FAT3: variants seen among roughly 807,000 people sequenced by gnomAD.
The protein encoded by FAT3 is protocadherin Fat 3.
A neutral mutation model predicts 310.2 loss-of-function variants in FAT3; 95 were observed. The observed-to-expected ratio is 0.31, with a 90% CI of 0.26 to 0.36. FAT3 has a LOEUF of 0.36. Among genes scored for constraint, FAT3 ranks in the 10% least tolerant of loss-of-function variants. The pLI is 1.00. For missense variants in FAT3, 5,408 were observed against 5,715.6 expected, an observed-to-expected ratio of 0.95 and a Z score of 1.74; for synonymous variants, 2,314 against 2,192.9, an observed-to-expected ratio of 1.06 and a Z score of -1.54.
In FAT3 at chr11:92,607,740, CAT is replaced by C. The variant is rs779532207; in HGVS notation, c.3607+82793_3607+82794del. On this transcript the variant is annotated intron_variant, in intron 3 of 27. Transcript: ENST00000525166. The stretch of plus-strand genomic sequence containing the variant: ...ATGATATTATAATCTGTTCTTTCCA[CAT>C]GAGTCACATTATTTAGTCATAAAAT... Among the ~76,000 whole-genome samples, 4 of 152,312 alleles carry C rather than the reference CAT, an allele frequency of 2.6e-5. No individual in the cohort carries two copies. The East Asian group carries it at 7.7e-4, about 29-fold the overall frequency.
At chr11:92,255,910 C>T (rs1002208253) in intron 1 of FAT3, among the ~76,000 whole-genome samples, 2 of 152,046 alleles carry the variant, frequency 1.3e-5, no homozygotes, top group African/African-American at 2.4e-5. Flanking sequence ...GTGGCTGAAA[C>T]CAGAAACAGC....
chr11:92,572,827 C>T (rs904245571), intron 3 of FAT3, among the ~76,000 whole-genome samples: 2 of 152,160 alleles, frequency 1.3e-5, no homozygotes, highest in Non-Finnish European at 2.9e-5. Flanking sequence ...TTGATTTCCT[C>T]ATGAGGTGAC....
rs2136418177 is a variant in FAT3, at chr11:92,883,344, C to T, written c.12888C>T (p.Arg4296=). 1 of 1,609,938 alleles carries T rather than the reference C, an allele frequency of 6.2e-7. No homozygotes were observed. The highest frequency in any genetic ancestry group is 8.5e-7 in the Non-Finnish European group (1 of 1,178,208). ...ACCTCCCCGCCGTGTCACCCTGCCG[C>T]TCCGACTGCGACTCCATCCGGAAGA... ...APNLPAVSPC[R]SDCDSIRKNG... The change falls in exon 24 of 28, where the codon CGC becomes CGT. Residue 4296 remains arginine, a synonymous_variant. Transcript: ENST00000525166. This position sits in a 1 kb window ranked among gnomAD's most constrained non-coding sequence, Gnocchi z 4.2.
In FAT3 at chr11:92,236,828, C is replaced by T. The variant is rs576596598; in HGVS notation, c.-18+11654C>T. The stretch of plus-strand genomic sequence containing the variant: ...GAGATTTACTGAAATGGGAAGATGA[C>T]GAGTTAGACTTTGGAGATCCTTTTT... On this transcript the variant is annotated intron_variant, in intron 1 of 27. Transcript: ENST00000525166. Among the ~76,000 whole-genome samples, 8 of 152,192 alleles carry T rather than the reference C, an allele frequency of 5.3e-5. No homozygotes were observed. In the East Asian group the frequency reaches 9.7e-4, roughly 18 times the overall value.
At chr11:92,413,282 T>C (rs964204995) in intron 2 of FAT3, among the ~76,000 whole-genome samples, 2 of 152,192 alleles carry the variant, frequency 1.3e-5, no homozygotes, top group African/African-American at 4.8e-5. Context: ...TGATCATCTA[T>C]AAAATAGGGA....
chr11:92,636,307 C>A lies in FAT3; in HGVS notation c.3608-61077C>A, dbSNP rs183434728. Among the ~76,000 whole-genome samples the A allele has an allele frequency of 4.6e-5, 7 of 152,156 alleles. No individual in the cohort carries two copies. In the East Asian group the frequency reaches 1.4e-3, roughly 29 times the overall value. On this transcript the variant is annotated intron_variant, in intron 3 of 27. Transcript: ENST00000525166. ...TTCAGAGATTTCCTTTGACTTTGGC[C>A]GTGATATGTGATTGGGCAGGAAAAA...
intron 2 of FAT3, among the ~76,000 whole-genome samples, chr11:92,494,661 G>T (rs1196889105): frequency 6.6e-6 from 1 of 151,946 alleles, no homozygotes; most frequent in Non-Finnish European, 1.5e-5. Flanking sequence ...TAGGCAACTT[G>T]CCCAATATTT....
chr11:92,617,873 A>G (rs1940888086), intron 3 of FAT3, among the ~76,000 whole-genome samples: 1 of 152,128 alleles, frequency 6.6e-6, no homozygotes, highest in Non-Finnish European at 1.5e-5. Flanking sequence ...ACCCGGCTCT[A>G]TGAGGTGTCA....
chr11:92,676,036 G>T (rs1358882257), intron 3 of FAT3, among the ~76,000 whole-genome samples: 1 of 152,032 alleles, frequency 6.6e-6, no homozygotes, highest in Non-Finnish European at 1.5e-5. Context: ...AATAGGAGAG[G>T]GTGGCAATGA....
intron 3 of FAT3, among the ~76,000 whole-genome samples, chr11:92,645,488 C>G (rs1223531491): frequency 1.1e-5 from 1 of 87,810 alleles, no homozygotes; most frequent in African/African-American, 5.7e-5. Context: ...CACTGCTTTT[C>G]AGAAAAAAAA....
chr11:92,470,976 T>G (rs1447319989), intron 2 of FAT3, among the ~76,000 whole-genome samples: 1 of 152,210 alleles, frequency 6.6e-6, no homozygotes, highest in Non-Finnish European at 1.5e-5. Context: ...TATTTTTCCT[T>G]GAGAATTTTT....
chr11:92,263,746 G>T (rs973430276), intron 1 of FAT3, among the ~76,000 whole-genome samples: 1 of 151,916 alleles, frequency 6.6e-6, no homozygotes, highest in Non-Finnish European at 1.5e-5. Flanking sequence ...TTTGCCCATT[G>T]TATCATGTCA....
chr11:92,624,511 C>T (rs567364669), intron 3 of FAT3, among the ~76,000 whole-genome samples: 1 of 152,174 alleles, frequency 6.6e-6, no homozygotes, highest in African/African-American at 2.4e-5. Flanking sequence ...AGAAAGACAA[C>T]CTTGGCAAAT....
intron 3 of FAT3, among the ~76,000 whole-genome samples, chr11:92,632,309 A>AC (rs1941585559): frequency 6.6e-6 from 1 of 151,892 alleles, no homozygotes; most frequent in East Asian, 1.9e-4. Context: ...GTCACTCAGT[A>AC]TTTTTTATCT....
At chr11:92,491,051 G>A (rs1193410200) in intron 2 of FAT3, among the ~76,000 whole-genome samples, 1 of 151,904 alleles carries the variant, frequency 6.6e-6, no homozygotes, top group Non-Finnish European at 1.5e-5. Context: ...TTTGCCTAGA[G>A]GACCATTATT....
In FAT3 at chr11:92,245,196, A is replaced by G. The variant is rs138624338; in HGVS notation, c.-18+20022A>G. On this transcript the variant is annotated intron_variant, in intron 1 of 27. Coordinates refer to ENST00000525166, the MANE Select transcript of FAT3 (RefSeq NM_001367949.2). ...ATGAGTTCATGTCCTTTTCAGGGAA[A>G]TGGATGATGCTGGAAACCAGCATTC... 1.6e-3 allele frequency among the ~76,000 whole-genome samples: 237 copies of G among 152,302 alleles called. 1 individual carries two copies. Among genetic ancestry groups the G allele is most frequent in the African/African-American group, 5.5e-3 (227 of 41,578 alleles).
At chr11:92,346,525 T>C (rs1296633436) in intron 1 of FAT3, among the ~76,000 whole-genome samples, 1 of 152,200 alleles carries the variant, frequency 6.6e-6, no homozygotes, top group Non-Finnish European at 1.5e-5. Flanking sequence ...GTGGTCCCTC[T>C]CTGGACCCTT....
At chr11:92,806,317 C>T (rs1947505468) in intron 11 of FAT3, 45 bp from the exon 12 acceptor site, 2 of 1,523,984 alleles carry the variant, frequency 1.3e-6, no homozygotes, top group South Asian at 2.5e-5. Context: ...GCAATTGCCC[C>T]CACAAATACT....
At chr11:92,880,670 A>G in intron 22 of FAT3, 61 bp from the exon 23 acceptor site, 1 of 1,546,166 alleles carries the variant, frequency 6.5e-7, no homozygotes, top group Non-Finnish European at 8.7e-7. Flanking sequence ...GTTATAGCTG[A>G]GTCCAAGCAC....
Sources: gnomAD v4.1 joint callset for allele counts (sites outside exome capture counted in the v4.1 genomes callset) on GRCh38, gnomAD v4.1.1 for gene constraint, Gnocchi (gnomAD v3.1) non-coding constraint, MANE v1.5 for transcripts, NCBI Gene and HGNC (gene_info 2026-07-23, HGNC 2026-07-21) for gene names.